Variants in TENM3 observed in about 807,000 individuals in gnomAD.
TENM3 encodes the protein teneurin transmembrane protein 3, also known as teneurin-3.
In TENM3, 63 loss-of-function variants were observed where a neutral mutation model predicts 255.1. The ratio of observed to expected loss-of-function variants is 0.25; its 90% CI spans 0.20 to 0.30. TENM3 has a LOEUF of 0.30. Among genes scored for constraint, TENM3 ranks in the 10% least tolerant of loss-of-function variants. TENM3 has a pLI of 1.00. For synonymous variants in TENM3, 1,306 were observed against 1,322.3 expected, an observed-to-expected ratio of 0.99 and a Z score of 0.27; for missense variants, 2,929 against 3,461.1, an observed-to-expected ratio of 0.85 and a Z score of 3.86.
At chr4:181,521,035 C>G in the TENM3 span, among the ~76,000 whole-genome samples, 1 of 152,094 alleles carries the variant, frequency 6.6e-6, no homozygotes, top group Non-Finnish European at 1.5e-5. Flanking sequence ...CCCCAGAGCT[C>G]TCAGCCACTC....
the TENM3 span, among the ~76,000 whole-genome samples, chr4:181,949,339 A>G: frequency 1.3e-5 from 2 of 152,194 alleles, no homozygotes; most frequent in Non-Finnish European, 2.9e-5. Context: ...CCTTTTATTC[A>G]TGTTTGCCTT....
intron 2 of TENM3, among the ~76,000 whole-genome samples, chr4:182,326,673 C>T (rs937915200): frequency 6.6e-6 from 1 of 151,924 alleles, no homozygotes; most frequent in Non-Finnish European, 1.5e-5. Flanking sequence ...TAGCTGGGAT[C>T]ACAAGTGCAC....
At chr4:182,400,483 G>T (rs1329735466) in intron 3 of TENM3, among the ~76,000 whole-genome samples, 1 of 152,046 alleles carries the variant, frequency 6.6e-6, no homozygotes, top group Non-Finnish European at 1.5e-5. Context: ...GGCTAAATAG[G>T]CTCATTTCAT....
At chr4:182,144,927 T>TCCCCGC (rs1262542640) in intron 1 of TENM3, 2 of 150,016 alleles carry the variant, frequency 1.3e-5, no homozygotes, top group South Asian at 2.1e-4. Context: ...GGCCTCCCCG[T>TCCCCGC]CCCCGCCCCG....
At chr4:182,106,089 G>A in the TENM3 span, among the ~76,000 whole-genome samples, 1 of 152,100 alleles carries the variant, frequency 6.6e-6, no homozygotes, top group African/African-American at 2.4e-5. Flanking sequence ...AATCTGGCTA[G>A]CCCAAGCCTC....
intron 6 of TENM3, among the ~76,000 whole-genome samples, chr4:182,666,710 G>A (rs1431626939): frequency 6.6e-6 from 1 of 151,898 alleles, no homozygotes; most frequent in Non-Finnish European, 1.5e-5. Flanking sequence ...CAGCCTAGAC[G>A]ACATGTTGAA....
At chr4:182,734,315 G>C (rs1252735060) in intron 16 of TENM3, among the ~76,000 whole-genome samples, 1 of 152,162 alleles carries the variant, frequency 6.6e-6, no homozygotes, top group African/African-American at 2.4e-5. Flanking sequence ...GATGACCCCA[G>C]GGCCAGCTGA....
the TENM3 span, among the ~76,000 whole-genome samples, chr4:181,462,202 C>T: frequency 3.3e-5 from 5 of 152,286 alleles, no homozygotes; most frequent in East Asian, 9.6e-4. Flanking sequence ...AACAGAAGCT[C>T]TTAGGAACCC....
chr4:182,033,481 T>G, the TENM3 span, among the ~76,000 whole-genome samples: 42 of 152,064 alleles, frequency 2.8e-4, no homozygotes, highest in Admixed American at 2.8e-3. Flanking sequence ...TTTTAGGGTG[T>G]CATTTGGCAC....
At chr4:182,371,715 T>G (rs1459921423) in intron 3 of TENM3, among the ~76,000 whole-genome samples, 3 of 152,212 alleles carry the variant, frequency 2.0e-5, no homozygotes, top group Non-Finnish European at 2.9e-5. Context: ...CCTATCCTGC[T>G]TCTAATTATC....
chr4:181,654,786 C>G, the TENM3 span, among the ~76,000 whole-genome samples: 67 of 150,418 alleles, frequency 4.5e-4, no homozygotes, highest in African/African-American at 1.5e-3. Flanking sequence ...AAGTGGTCCT[C>G]AGATCACTCA....
chr4:182,688,252 A>C lies in TENM3; in HGVS notation c.2122A>C (p.Asn708His). Reference protein sequence around the residue: ...CEEGWTGPACNQRACHPRCAE... With the variant: ...CEEGWTGPACHQRACHPRCAE... ...AGAAGGCTGGACGGGCCCAGCCTGT[A>C]ATCAGAGAGCCTGCCACCCCCGCTG... The change falls in exon 12 of 28, where the codon AAT becomes CAT. Residue 708 changes from asparagine to histidine, a missense_variant. Asn to His is a moderately conservative substitution (Grantham distance 68, BLOSUM62 1). Around this residue, in one of 6 missense-constraint regions of TENM3, gnomAD observed 1,608 missense variants for 1,884.4 expected, o/e 0.85. Coordinates refer to ENST00000511685, the MANE Select transcript of TENM3 (RefSeq NM_001080477.4). The C allele has an allele frequency of 6.2e-7, 1 of 1,613,906 alleles. No individual in the cohort carries two copies. Among genetic ancestry groups the C allele is most frequent in the Non-Finnish European group, 8.5e-7 (1 of 1,179,842 alleles).
chr4:182,016,103 G>T, the TENM3 span, among the ~76,000 whole-genome samples: 1 of 152,146 alleles, frequency 6.6e-6, no homozygotes, highest in Admixed American at 6.5e-5. Flanking sequence ...CTTAATGTGG[G>T]TGTGTTGGGT....
intron 5 of TENM3, among the ~76,000 whole-genome samples, chr4:182,640,870 C>T (rs537366741): frequency 2.5e-4 from 38 of 152,308 alleles, no homozygotes; most frequent in Non-Finnish European, 4.7e-4. Flanking sequence ...GCAAATGGAA[C>T]GCAGGCTTCA....
At chr4:182,295,349 C>T (rs752884928) in intron 1 of TENM3, among the ~76,000 whole-genome samples, 2 of 147,578 alleles carry the variant, frequency 1.4e-5, no homozygotes, top group Admixed American at 6.9e-5. Context: ...CTCACTGCAA[C>T]CCCTGCCTCC....
At chr4:181,884,699 T>A in the TENM3 span, among the ~76,000 whole-genome samples, 2 of 152,198 alleles carry the variant, frequency 1.3e-5, no homozygotes. Context: ...TAATCTAATC[T>A]TTTCAGTCTT....
chr4:181,781,158 G>A, the TENM3 span, among the ~76,000 whole-genome samples: 1 of 152,320 alleles, frequency 6.6e-6, no homozygotes, highest in East Asian at 1.9e-4. Flanking sequence ...ATTCCGTAAA[G>A]AAAGTCATTG....
upstream of TENM3, among the ~76,000 whole-genome samples, chr4:182,243,134 G>T (rs1034526010): frequency 2.0e-5 from 3 of 152,172 alleles, no homozygotes; most frequent in African/African-American, 7.2e-5. Context: ...ATTTATTTGA[G>T]ACAGAGTTTC....
At chr4:182,705,460 T>G (rs1289855144) in intron 12 of TENM3, among the ~76,000 whole-genome samples, 1 of 152,226 alleles carries the variant, frequency 6.6e-6, no homozygotes, top group Non-Finnish European at 1.5e-5. Context: ...TATACGGTAC[T>G]ATTTAATATG....
Sources: allele counts gnomAD v4.1 joint callset (sites outside exome capture counted in the v4.1 genomes callset), GRCh38; gene constraint gnomAD v4.1.1; regional missense constraint gnomAD v4.1.1; transcripts MANE v1.5; gene names NCBI Gene and HGNC (gene_info 2026-07-23, HGNC 2026-07-21).